ANKRD30A: variants seen among roughly 807,000 people sequenced by gnomAD.
The protein encoded by ANKRD30A is ankyrin repeat domain-containing protein 30A.
In ANKRD30A, 170 loss-of-function variants were observed where a neutral mutation model predicts 166.3. The observed-to-expected ratio is 1.02, with a 90% CI of 0.90 to 1.16. The LOEUF (loss-of-function observed/expected upper bound fraction) is 1.16, where lower values mean the gene tolerates loss of function less well. Among genes scored for constraint, ANKRD30A ranks in the 50% most tolerant of loss-of-function variants. The pLI, the probability that ANKRD30A is intolerant of heterozygous loss-of-function variation, is 0.00. For missense variants in ANKRD30A, 1,630 were observed against 1,518.0 expected (o/e 1.07, Z -1.23); for synonymous variants, 564 against 508.9 (o/e 1.11, Z -1.46).
At chr10:37,193,145 A>T in intron 26 of ANKRD30A, 41 bp from the exon 27 acceptor site, 2 of 1,606,388 alleles carry the variant, frequency 1.2e-6, no homozygotes, top group African/African-American at 1.3e-5. Context: ...TTTATGAAGT[A>T]TACATTGTAT....
chr10:37,209,073 C>A (rs770459054), intron 31 of ANKRD30A, among the ~76,000 whole-genome samples: 7 of 152,218 alleles, frequency 4.6e-5, no homozygotes, highest in South Asian at 2.1e-4. Flanking sequence ...AGTTTATACA[C>A]TCATCTTTCT....
At position 37,145,023 on chromosome 10, in the gene ANKRD30A, A is replaced by G. The variant is rs375078975; in HGVS notation, c.1422A>G (p.Gln474=). ...NDQRFPSESK[Q]EEDEEYSCDS... is the part of the protein sequence containing the mutation. ...AGAGGTTCCCATCAGAATCCAAACA[A>G]GAGGAAGATGAAGAATATTCTTGTG... Residue 474 remains glutamine, a synonymous_variant, in exon 8 of 36, where the codon CAA becomes CAG. Transcript: ENST00000361713. The G allele has an allele frequency of 1.9e-6, 3 of 1,602,820 alleles. No individual in the cohort carries two copies. In the African/African-American group the frequency reaches 4.0e-5, roughly 22 times the overall value.
chr10:37,130,377 A>C lies in ANKRD30A; in HGVS notation c.509A>C (p.Lys170Thr). Residue 170 changes from lysine to threonine, a missense_variant and splice_region_variant, in exon 3 of 36, where the codon AAG becomes ACG. Physicochemically the swap from Lys to Thr is moderately conservative, Grantham distance 78. Transcript: ENST00000361713. ...GGTGCAGTCATCGAAGTGCACAACA[A>C]GGTAGACACTAACCAATGTTATTTT... The part of the protein sequence containing the change: ...SHGAVIEVHN[K>T]ASLTPLLLSI... The C allele has an allele frequency of 6.8e-7, 1 of 1,471,114 alleles. No homozygotes were observed. The highest frequency in any genetic ancestry group is 9.0e-7 in the Non-Finnish European group (1 of 1,106,622). 91.1% of individuals were successfully genotyped at this position (1,471,114 alleles called of 1,614,324 possible).
chr10:37,238,656 A>G, the ANKRD30A span, among the ~76,000 whole-genome samples: 1 of 152,204 alleles, frequency 6.6e-6, no homozygotes, highest in Non-Finnish European at 1.5e-5. Flanking sequence ...GGCTATAAAG[A>G]AGTAATGTAA....
chr10:37,216,581 C>A (rs550423390), intron 32 of ANKRD30A, among the ~76,000 whole-genome samples, 187 bp downstream of exon 32: 61 of 151,312 alleles, frequency 4.0e-4, no homozygotes, highest in South Asian at 1.0e-3. Context: ...TAATTAAATG[C>A]ATATTTATTT....
At chr10:37,164,725 A>T (rs2132604681) in intron 17 of ANKRD30A, among the ~76,000 whole-genome samples, 1 of 152,240 alleles carries the variant, frequency 6.6e-6, no homozygotes, top group African/African-American at 2.4e-5. Context: ...AAGTAATACT[A>T]CCAAGTAAAA....
intron 12 of ANKRD30A, among the ~76,000 whole-genome samples, chr10:37,153,360 C>T (rs1838105303): frequency 6.6e-6 from 1 of 152,010 alleles, no homozygotes; most frequent in Non-Finnish European, 1.5e-5. Context: ...AGTTAATGGC[C>T]ACATGAATGT....
rs1346768801 is a variant in ANKRD30A, at chr10:37,142,274, A to G, written c.1377A>G (p.Thr459=). 1 of 1,593,492 alleles carries G rather than the reference A, an allele frequency of 6.3e-7. No individual in the cohort carries two copies. The highest frequency in any genetic ancestry group is 1.8e-5 in the Admixed American group (1 of 54,406). The change falls in exon 7 of 36, where the codon ACA becomes ACG. Residue 459 remains threonine, a synonymous_variant. Transcript: ENST00000361713. ...CATGTCCTACAAAAGAATCATCTACAAAAGCAAGTGCCAATGGTAAGATGC... is the reference window on the plus strand; with the variant it reads ...CATGTCCTACAAAAGAATCATCTACGAAAGCAAGTGCCAATGGTAAGATGC... ...MIACPTKESS[T]KASANDQRFP...
chr10:37,133,836 A>C, intron 4 of ANKRD30A, 80 bp from the exon 5 acceptor site: 1 of 1,501,158 alleles, frequency 6.7e-7, no homozygotes, highest in Non-Finnish European at 9.1e-7. Flanking sequence ...TGGTACATGT[A>C]AATGGTTAAT....
the ANKRD30A span, among the ~76,000 whole-genome samples, chr10:37,242,441 G>A: frequency 1.3e-5 from 2 of 152,022 alleles, no homozygotes; most frequent in African/African-American, 4.8e-5. Flanking sequence ...TTACTATTTT[G>A]TAGGGAGTTC....
chr10:37,260,769 GC>G, the ANKRD30A span, among the ~76,000 whole-genome samples: 7 of 152,170 alleles, frequency 4.6e-5, no homozygotes, highest in Non-Finnish European at 8.8e-5. Context: ...CAGCCTGTGA[GC>G]CACAAATCTG....
intron 13 of ANKRD30A, among the ~76,000 whole-genome samples, chr10:37,155,896 A>G (rs966366715): frequency 6.6e-6 from 1 of 152,032 alleles, no homozygotes; most frequent in Non-Finnish European, 1.5e-5. Context: ...CCTGGCCAAT[A>G]CGGTGAAACC....
intron 13 of ANKRD30A, among the ~76,000 whole-genome samples, chr10:37,155,984 G>A (rs1478037587): frequency 6.6e-6 from 1 of 151,960 alleles, no homozygotes; most frequent in Non-Finnish European, 1.5e-5. Context: ...TGGAGGCTGA[G>A]GCAGGAAAAT....
chr10:37,143,618 C>T (rs1433381851), intron 7 of ANKRD30A, among the ~76,000 whole-genome samples: 3 of 152,136 alleles, frequency 2.0e-5, no homozygotes, highest in Non-Finnish European at 4.4e-5. Context: ...CGTACCACTA[C>T]ACTCTAGCCT....
chr10:37,126,111 A>C, intron 1 of ANKRD30A, 103 bp downstream of exon 1: 2 of 1,262,810 alleles, frequency 1.6e-6, no homozygotes, highest in Admixed American at 3.9e-5. Context: ...AGAAGGGAGC[A>C]GGTGGAGGAG....
intron 30 of ANKRD30A, among the ~76,000 whole-genome samples, chr10:37,200,159 G>A (rs113459927): frequency 6.6e-6 from 1 of 151,984 alleles, no homozygotes; most frequent in Non-Finnish European, 1.5e-5. Context: ...GTTCTAATTG[G>A]ATTCATAGAG....
At chr10:37,156,050 C>G (rs999581313) in intron 13 of ANKRD30A, among the ~76,000 whole-genome samples, 20 of 150,148 alleles carry the variant, frequency 1.3e-4, no homozygotes, top group African/African-American at 4.7e-4. Context: ...CAGTGCACTC[C>G]AGTCTGGGCA....
At chr10:37,129,296 CTATAAG>C (rs1170792583) in intron 1 of ANKRD30A, among the ~76,000 whole-genome samples, 1 of 152,036 alleles carries the variant, frequency 6.6e-6, no homozygotes, top group East Asian at 1.9e-4. Context: ...AAATAATGAA[CTATAAG>C]TGGCATTTCA....
chr10:37,194,784 C>T lies in ANKRD30A; in HGVS notation c.2614+1526C>T, dbSNP rs181483588. ...AAGACCTCATAGTTTGCCATGTTAACTCTAAAACACATTTAATTAGACCGT... is the reference window on the plus strand; with the variant it reads ...AAGACCTCATAGTTTGCCATGTTAATTCTAAAACACATTTAATTAGACCGT... On this transcript the variant is annotated intron_variant, in intron 27 of 35. Transcript: ENST00000361713. Among the ~76,000 whole-genome samples the T allele has an allele frequency of 5.0e-3, 756 of 152,266 alleles. 9 individuals are homozygous for T. Among genetic ancestry groups the T allele is most frequent in the African/African-American group, 0.018 (727 of 41,532 alleles).
Sources: allele counts gnomAD v4.1 joint callset (sites outside exome capture counted in the v4.1 genomes callset), GRCh38; gene constraint gnomAD v4.1.1; transcripts MANE v1.5; gene names NCBI Gene and HGNC (gene_info 2026-07-23, HGNC 2026-07-21).